Variants in FOCAD observed in about 807,000 individuals in gnomAD.
FOCAD encodes the protein KIAA1797.
FOCAD carries 198 observed loss-of-function variants against 225.6 expected under a neutral mutation model. That is an observed-to-expected ratio of 0.88 (90% CI 0.78 to 0.99). The LOEUF is 0.99. Among genes scored for constraint, FOCAD ranks in the 50% least tolerant of loss-of-function variants. FOCAD has a pLI of 0.00. For synonymous variants in FOCAD, 897 were observed against 755.0 expected, an observed-to-expected ratio of 1.19 and a Z score of -3.08; for missense variants, 2,713 against 2,123.6, an observed-to-expected ratio of 1.28 and a Z score of -5.46.
At chr9:20,762,125 C>T (rs938539891) in intron 6 of FOCAD, among the ~76,000 whole-genome samples, 1 of 152,092 alleles carries the variant, frequency 6.6e-6, no homozygotes, top group Non-Finnish European at 1.5e-5. Flanking sequence ...AGAAGAAAAC[C>T]GATAAGCCAT....
chr9:20,778,717 T>C lies in FOCAD; in HGVS notation c.943T>C (p.Leu315=). The change falls in exon 9 of 44, where the codon TTA becomes CTA. Residue 315 remains leucine, a synonymous_variant. Coordinates refer to ENST00000338382, the MANE Select transcript of FOCAD (RefSeq NM_001375567.1). ...PVELVIIGIA[L]LLLQTPASQQ... ...TGAACTGGTCATAATTGGAATAGCT[T>C]TACTACTTCTACAGACTCCAGCAAG... is the stretch of plus-strand genomic sequence containing the variant. The C allele has an allele frequency of 6.2e-7, 1 of 1,612,650 alleles. No individual in the cohort carries two copies. The highest frequency in any genetic ancestry group is 8.5e-7 in the Non-Finnish European group (1 of 1,179,058).
chr9:20,908,344 T>C (rs1212789556), intron 22 of FOCAD, among the ~76,000 whole-genome samples: 1 of 152,040 alleles, frequency 6.6e-6, no homozygotes, highest in Non-Finnish European at 1.5e-5. Flanking sequence ...GAGGAATGAC[T>C]GTCTGGGCAA....
intron 43 of FOCAD, 29 bp downstream of exon 43, chr9:20,993,357 T>C (rs1249462300): frequency 1.3e-6 from 2 of 1,565,896 alleles, no homozygotes; most frequent in South Asian, 1.1e-5. Flanking sequence ...ATGCTCAACA[T>C]AGGGGAAAAA....
intron 38 of FOCAD, among the ~76,000 whole-genome samples, chr9:20,981,907 G>A (rs762144596): frequency 1.3e-5 from 2 of 152,146 alleles, no homozygotes; most frequent in Non-Finnish European, 2.9e-5. Flanking sequence ...TTTAACCAGT[G>A]CTGCACCAGG....
At chr9:20,769,763 A>G (rs1818000411) in intron 7 of FOCAD, among the ~76,000 whole-genome samples, 2 of 152,236 alleles carry the variant, frequency 1.3e-5, no homozygotes, top group South Asian at 4.1e-4. Flanking sequence ...AGACATCTGC[A>G]CTCAGACAAG....
intron 1 of FOCAD, among the ~76,000 whole-genome samples, chr9:20,695,265 A>G (rs924591515): frequency 6.6e-6 from 1 of 152,108 alleles, no homozygotes; most frequent in African/African-American, 2.4e-5. Flanking sequence ...TGAGGATACA[A>G]TGTGTGGTAT....
At chr9:20,909,510 C>T (rs1226463072) in intron 22 of FOCAD, among the ~76,000 whole-genome samples, 2 of 152,168 alleles carry the variant, frequency 1.3e-5, no homozygotes, top group African/African-American at 4.8e-5. Context: ...GCAGATTATT[C>T]ATAATTTTTA....
intron 1 of FOCAD, 132 bp from the exon 2 acceptor site, chr9:20,715,190 C>A: frequency 2.7e-6 from 1 of 372,300 alleles, no homozygotes; most frequent in Non-Finnish European, 4.8e-6. Flanking sequence ...GATTACTCTG[C>A]AGAGCCCTGT....
chr9:20,925,762 A>T (rs116354350), intron 25 of FOCAD, among the ~76,000 whole-genome samples: 32 of 151,962 alleles, frequency 2.1e-4, no homozygotes, highest in African/African-American at 7.5e-4. Flanking sequence ...TTCTTTTTCA[A>T]ACTGAAGATG....
chr9:20,983,515 T>C lies in FOCAD; in HGVS notation c.4728+1069T>C, dbSNP rs1277052834. ...TGAACCCGGGAGGTGGAGGTTGCAG[T>C]GAGCCGAGATCCCACCACTGTACTC... On this transcript the variant is annotated intron_variant, in intron 39 of 43. Coordinates refer to ENST00000338382, the MANE Select transcript of FOCAD (RefSeq NM_001375567.1). Among the ~76,000 whole-genome samples the C allele has an allele frequency of 2.1e-5, 3 of 141,328 alleles. No homozygotes were observed. The East Asian group carries it at 6.2e-4, about 29-fold the overall frequency. The allele number at this position is 141,328 out of a possible 152,430, so 92.7% of individuals were successfully genotyped here. A position where few individuals can be genotyped will look rare whatever the true frequency, so the allele number is the denominator to read the frequency against.
intron 15 of FOCAD, among the ~76,000 whole-genome samples, chr9:20,860,543 GT>G (rs1828673543): frequency 6.6e-6 from 1 of 152,012 alleles, no homozygotes; most frequent in African/African-American, 2.4e-5. Flanking sequence ...TTTTGTTGTT[GT>G]TTTTGAGACA....
chr9:20,766,252 T>C (rs944487022), intron 7 of FOCAD, among the ~76,000 whole-genome samples: 3 of 152,134 alleles, frequency 2.0e-5, no homozygotes, highest in African/African-American at 4.8e-5. Flanking sequence ...CTAACAGTTA[T>C]GTAAGAAAAA....
At chr9:20,962,604 G>C (rs1323085440) in intron 35 of FOCAD, among the ~76,000 whole-genome samples, 1 of 152,108 alleles carries the variant, frequency 6.6e-6, no homozygotes, top group East Asian at 1.9e-4. Context: ...TTACTCTAAG[G>C]ATTACACATG....
At chr9:20,711,927 A>G (rs181370002) in intron 1 of FOCAD, among the ~76,000 whole-genome samples, 2 of 152,210 alleles carry the variant, frequency 1.3e-5, no homozygotes, top group African/African-American at 4.8e-5. Flanking sequence ...AGGAGGAGTC[A>G]GTAAAACAGT....
At chr9:20,930,019 T>G (rs1336667694) in intron 27 of FOCAD, among the ~76,000 whole-genome samples, 1 of 152,216 alleles carries the variant, frequency 6.6e-6, no homozygotes, top group East Asian at 1.9e-4. Flanking sequence ...CTCTAGTGCC[T>G]AAGGGGTGTT....
chr9:20,948,724 A>G lies in FOCAD; in HGVS notation c.3799-127A>G, dbSNP rs1837417100. 4.1e-6 allele frequency: 4 copies of G among 970,130 alleles called. No homozygotes were observed. In the Admixed American group the frequency reaches 6.6e-5, roughly 16 times the overall value. 60.1% of individuals were successfully genotyped at this position (970,130 alleles called of 1,614,324 possible). A position where few individuals can be genotyped will look rare whatever the true frequency, so the allele number is the denominator to read the frequency against. Reference sequence around the variant, plus strand: ...GCTGCCATTTTTGGTTCAGTTATACAGGTTACGTTGACCCTATAAGTTTGG... The same window carrying G: ...GCTGCCATTTTTGGTTCAGTTATACGGGTTACGTTGACCCTATAAGTTTGG... On this transcript the variant is annotated intron_variant, in intron 31 of 43. Transcript: ENST00000338382.
At chr9:20,920,033 A>G (rs1482054303) in intron 24 of FOCAD, among the ~76,000 whole-genome samples, 4 of 152,068 alleles carry the variant, frequency 2.6e-5, no homozygotes, top group Non-Finnish European at 4.4e-5. Context: ...GCAACCTACA[A>G]AATGGGAGAA....
intron 7 of FOCAD, among the ~76,000 whole-genome samples, chr9:20,768,762 T>C (rs1271425994): frequency 6.6e-6 from 1 of 152,200 alleles, no homozygotes; most frequent in Non-Finnish European, 1.5e-5. Flanking sequence ...CTCCTTCCAG[T>C]TGCTCTTTCA....
chr9:20,754,120 C>G (rs1323690748), intron 5 of FOCAD, among the ~76,000 whole-genome samples: 4 of 151,998 alleles, frequency 2.6e-5, no homozygotes, highest in Admixed American at 2.6e-4. Flanking sequence ...TTACCTTGAC[C>G]TTTCTCAGTT....
Sources: gnomAD v4.1 joint callset for allele counts (sites outside exome capture counted in the v4.1 genomes callset) on GRCh38, gnomAD v4.1.1 for gene constraint, MANE v1.5 for transcripts, NCBI Gene and HGNC (gene_info 2026-07-23, HGNC 2026-07-21) for gene names.